The following RHBDF1 variants were observed in gnomAD, a reference collection of about 807,000 sequenced individuals.
RHBDF1 encodes inactive rhomboid protein 1.
In RHBDF1, 80 loss-of-function variants were observed where a neutral mutation model predicts 98.6. That is an observed-to-expected ratio of 0.81 (90% CI 0.68 to 0.98). The LOEUF (loss-of-function observed/expected upper bound fraction) is 0.98. Among genes scored for constraint, RHBDF1 ranks in the 50% least tolerant of loss-of-function variants. The probability of loss-of-function intolerance (pLI) is 0.00; values close to 1 mark genes in which losing one functional copy is unlikely to be tolerated. For synonymous variants in RHBDF1, 512 were observed against 486.8 expected, an observed-to-expected ratio of 1.05 and a Z score of -0.68; for missense variants, 1,116 against 1,198.3, an observed-to-expected ratio of 0.93 and a Z score of 1.01.
intron 12 of RHBDF1, 37 bp downstream of exon 12, chr16:60,402 G>C: frequency 6.2e-7 from 1 of 1,603,116 alleles, no homozygotes; most frequent in South Asian, 1.1e-5. Context: ...GGAAGGTGTG[G>C]ACAAAGGCAG....
rs141787168 is a variant in RHBDF1 at position 64,733 on chromosome 16, G to A, written c.214C>T (p.Gln72Ter). ...GTCTGTGTGATGGACGTCTGGCGTT[G>A]CAGCACCGGCCGCCGGAGCTCATGG... ...PHHELRRPVL[Q>*]RQTSITQTIR... is the part of the protein sequence containing the mutation. The change falls in exon 3 of 18, where the codon CAA becomes TAA. Residue 72 changes from glutamine (Q) to a stop codon, truncating the protein, a stop_gained. Coordinates refer to ENST00000262316, the MANE Select transcript of RHBDF1 (RefSeq NM_022450.5). LOFTEE classifies it high-confidence loss of function. 1 of 1,613,746 alleles carries A rather than the reference G, an allele frequency of 6.2e-7. No individual in the cohort carries two copies. Among genetic ancestry groups the A allele is most frequent in the South Asian group, 1.1e-5 (1 of 91,060 alleles).
At chr16:71,725 G>C (rs1897974428) in intron 1 of RHBDF1, among the ~76,000 whole-genome samples, 2 of 152,156 alleles carry the variant, frequency 1.3e-5, no homozygotes, top group South Asian at 4.1e-4. Context: ...GCAGGCCCTG[G>C]GGGGCCAGGG....
chr16:59,163 C>G lies in RHBDF1; in HGVS notation c.1995-36G>C, dbSNP rs751972853. The G allele has an allele frequency of 5.6e-6, 9 of 1,604,986 alleles. No individual in the cohort carries two copies. The East Asian group carries it at 1.3e-4, about 24-fold the overall frequency. On this transcript the variant is annotated intron_variant, in intron 16 of 17. Coordinates refer to ENST00000262316, the MANE Select transcript of RHBDF1 (RefSeq NM_022450.5). The stretch of plus-strand genomic sequence containing the variant: ...TAGCAGGCGGGGGTCGGGAGACATT[C>G]AGCAGGGAAGTGACCTTTCTGCCAC...
Position 59,349 on chromosome 16 carries a change from C to G in RHBDF1, c.1894G>C (p.Val632Leu). 2 of 1,611,926 alleles carry G rather than the reference C, an allele frequency of 1.2e-6. No homozygotes were observed. The highest frequency in any genetic ancestry group is 1.7e-6 in the Non-Finnish European group (2 of 1,178,798). ...CCACACACATCATCCATGCAGTGCA[C>G]CTGCGCAGAGCAGCATATCAGCATC... Reference protein sequence around the residue: ...FHEEATLCSQVHCMDDVCGLL... With the variant: ...FHEEATLCSQLHCMDDVCGLL... The change falls in exon 16 of 18, where the codon GTG becomes CTG. Residue 632 changes from valine to leucine, a missense_variant and splice_region_variant. Coordinates refer to ENST00000262316, the MANE Select transcript of RHBDF1 (RefSeq NM_022450.5).
Position 60,196 on chromosome 16 carries a change from AC to A in RHBDF1, c.1722+19del, listed in dbSNP as rs762085492. ...ACATGACACGGAGGGCTCCCTAACA[AC>A]CCCCCCACTGCAGCTCACCGGCCAC... On this transcript the variant is annotated intron_variant, in intron 13 of 17. Coordinates refer to ENST00000262316, the MANE Select transcript of RHBDF1 (RefSeq NM_022450.5). The A allele has an allele frequency of 5.0e-6, 8 of 1,611,578 alleles. No individual in the cohort carries two copies. Among genetic ancestry groups the A allele is most frequent in the Non-Finnish European group, 6.8e-6 (8 of 1,178,876 alleles).
At chr16:72,684 C>T, upstream of RHBDF1, 10 of 981,278 alleles carry the variant, frequency 1.0e-5, no homozygotes, top group Non-Finnish European at 1.2e-5. Context: ...GCGGGGCGGT[C>T]GCGCTGACTC....
At chr16:75,742 G>A (rs1279118749), upstream of RHBDF1, among the ~76,000 whole-genome samples, 1 of 152,114 alleles carries the variant, frequency 6.6e-6, no homozygotes, top group Admixed American at 6.5e-5. Flanking sequence ...GCCCTCCAGG[G>A]CTCATCAGAC....
chr16:64,563 G>T, intron 3 of RHBDF1, 136 bp downstream of exon 3: 1 of 1,542,852 alleles, frequency 6.5e-7, no homozygotes. Flanking sequence ...GGAGGGCAAG[G>T]GGATGGTGGG....
At position 59,475 on chromosome 16, in the gene RHBDF1, C is replaced by T. The variant is rs1897521871; in HGVS notation, c.1837G>A (p.Glu613Lys). 6.2e-7 allele frequency: 1 copy of T among 1,613,542 alleles called. No homozygotes were observed. The highest frequency in any genetic ancestry group is 1.1e-5 in the South Asian group (1 of 91,086). The stretch of plus-strand genomic sequence containing the variant: ...TAGCCCCTCATGAAGTCACAGTACT[C>T]CCGGGAGGTGATCTCACACCTAGAA... ...TKGRCEITSR[E>K]YCDFMRGYFH... is the part of the protein sequence containing the mutation. Residue 613 changes from glutamate to lysine, a missense_variant, in exon 15 of 18, where the codon GAG becomes AAG. By Grantham distance (56) the Glu-to-Lys change is moderately conservative. Coordinates refer to ENST00000262316, the MANE Select transcript of RHBDF1 (RefSeq NM_022450.5).
chr16:67,728 C>T (rs763910122), intron 1 of RHBDF1, among the ~76,000 whole-genome samples: 3 of 152,220 alleles, frequency 2.0e-5, no homozygotes, highest in Non-Finnish European at 4.4e-5. Flanking sequence ...TCACTGCTGC[C>T]TCCACAGTGC....
In RHBDF1 at chr16:67,121, G is replaced by A. The variant is rs559257680; in HGVS notation, c.-24-2082C>T. Among the ~76,000 whole-genome samples the A allele has an allele frequency of 6.1e-4, 93 of 152,322 alleles. 1 individual carries two copies. The Middle Eastern group carries it at 0.01, about 17-fold the overall frequency. On this transcript the variant is annotated intron_variant, in intron 1 of 17. Transcript: ENST00000262316. Reference sequence around the variant, plus strand: ...TCACCCTGCTGGTAAGGAATAGCCAGGAGGGGCCACCTCTGAGTCTCAGAC... The same window carrying A: ...TCACCCTGCTGGTAAGGAATAGCCAAGAGGGGCCACCTCTGAGTCTCAGAC...
rs570738912 is a variant in RHBDF1 at position 59,913 on chromosome 16, T to C, written c.1723-87A>G. ...GTTTGGGGGTAGAGGCAAAGATGGG[T>C]GGGCTCATAAAGCAGAAAACGGTGT... On this transcript the variant is annotated intron_variant, in intron 13 of 17. Transcript: ENST00000262316. 2.3e-5 allele frequency: 36 copies of C among 1,592,654 alleles called. 1 individual carries two copies. In the East Asian group the frequency reaches 7.7e-4, roughly 34 times the overall value.
Position 63,123 on chromosome 16 carries a change from G to A in RHBDF1, c.522C>T (p.Gly174=). 1 of 1,601,936 alleles carries A rather than the reference G, an allele frequency of 6.2e-7. No homozygotes were observed. Among genetic ancestry groups the A allele is most frequent in the Non-Finnish European group, 8.5e-7 (1 of 1,175,196 alleles). Residue 174 remains glycine, a synonymous_variant, in exon 5 of 18, where the codon GGC becomes GGT. Transcript: ENST00000262316. ...AFRVADDTAE[G]LSAPHTPVTP... is the part of the protein sequence containing the mutation. ...TGACGGGAGTGTGTGGGGCACTCAG[G>A]CCTTCCGCAGTGTCATCTGCCACAC...
Position 58,708 on chromosome 16 carries a change from G to A in RHBDF1, c.2200C>T (p.Leu734Phe). The change falls in exon 18 of 18, where the codon CTC becomes TTC. Residue 734 changes from leucine (L) to phenylalanine (F), a missense_variant. Coordinates refer to ENST00000262316, the MANE Select transcript of RHBDF1 (RefSeq NM_022450.5). The stretch of plus-strand genomic sequence containing the variant: ...GCCAGGATCTGCCAGCTCTGGAAGA[G>A]CTCCACGAAGAGGCAGGCCAGGATG... ...FGILACLFVE[L>F]FQSWQILARP... The A allele has an allele frequency of 1.2e-6, 2 of 1,612,990 alleles. No individual in the cohort carries two copies. Among genetic ancestry groups the A allele is most frequent in the East Asian group, 2.2e-5 (1 of 44,880 alleles).
rs2141848119 is a variant in RHBDF1 at position 61,256 on chromosome 16, T to G, written c.1421A>C (p.Lys474Thr). ...SSEALIHLGA[K>T]FSPCMRQDPQ... Reference sequence around the variant, plus strand: ...GTCCTGGCGCATGCAGGGCGAAAACTTGGCGCCCAGGTGGATGAGGGCCTC... The same window carrying G: ...GTCCTGGCGCATGCAGGGCGAAAACGTGGCGCCCAGGTGGATGAGGGCCTC... Residue 474 changes from lysine to threonine, a missense_variant, in exon 11 of 18, where the codon AAG becomes ACG. Lys to Thr is a moderately conservative substitution (Grantham distance 78). Coordinates refer to ENST00000262316, the MANE Select transcript of RHBDF1 (RefSeq NM_022450.5). 1 of 1,544,986 alleles carries G rather than the reference T, an allele frequency of 6.5e-7. No individual in the cohort carries two copies. The highest frequency in any genetic ancestry group is 2.5e-5 in the East Asian group (1 of 40,750).
intron 7 of RHBDF1, 75 bp from the exon 8 acceptor site, chr16:62,127 C>T (rs1897656294): frequency 1.4e-6 from 2 of 1,425,432 alleles, no homozygotes; most frequent in Non-Finnish European, 1.8e-6. Context: ...GGCACCAGGG[C>T]ACCCTGTCTC....
At position 58,266 on chromosome 16, in the gene RHBDF1, G is replaced by A; in HGVS notation, c.*74C>T. The A allele has an allele frequency of 6.8e-7, 1 of 1,463,664 alleles. No individual in the cohort carries two copies. Among genetic ancestry groups the A allele is most frequent in the African/African-American group, 1.4e-5 (1 of 71,458 alleles). The allele number at this position is 1,463,664 out of a possible 1,614,324, so 90.7% of individuals were successfully genotyped here. A position where few individuals can be genotyped will look rare whatever the true frequency, so the allele number is the denominator to read the frequency against. ...CACATGGAGCAGGTGACTCCTGTAA[G>A]CCTGTGAGGCTCAGGGAGGTCGTGT... On this transcript the variant is annotated 3_prime_UTR_variant, in exon 18 of 18. Coordinates refer to ENST00000262316, the MANE Select transcript of RHBDF1 (RefSeq NM_022450.5).
Position 60,477 on chromosome 16 carries a change from G to C in RHBDF1, c.1620C>G (p.His540Gln). The change falls in exon 12 of 18, where the codon CAC (histidine) becomes CAG (glutamine). Residue 540 changes from histidine to glutamine, a missense_variant. His to Gln is a conservative substitution (Grantham distance 24). Transcript: ENST00000262316. The part of the protein sequence containing the change: ...IHPSAPELAG[H>Q]KRQFGSVCHQ... ...GGCAGACAGAGCCAAACTGTCTCTT[G>C]TGGCCCGCAAGCTCTGGGGCGCTGG... is the stretch of plus-strand genomic sequence containing the variant. 1 of 1,612,140 alleles carries C rather than the reference G, an allele frequency of 6.2e-7. No individual in the cohort carries two copies. The highest frequency in any genetic ancestry group is 8.5e-7 in the Non-Finnish European group (1 of 1,180,008).
rs752328529 is a variant in RHBDF1 at position 61,364 on chromosome 16, CGCCCCCA to C, written c.1395+14_1395+20del. On this transcript the variant is annotated intron_variant, in intron 10 of 17. Coordinates refer to ENST00000262316, the MANE Select transcript of RHBDF1 (RefSeq NM_022450.5). ...CTCCAGGTCCCGCCCCCGCCGGCCC[CGCCCCCA>C]GCCCCGTCCTCACCGAGCTGGGCCC... 1 of 1,575,032 alleles carries C rather than the reference CGCCCCCA, an allele frequency of 6.3e-7. No individual in the cohort carries two copies. The highest frequency in any genetic ancestry group is 1.3e-5 in the African/African-American group (1 of 74,228).
Sources: gnomAD v4.1 joint callset for allele counts (sites outside exome capture counted in the v4.1 genomes callset) on GRCh38, gnomAD v4.1.1 for gene constraint, MANE v1.5 for transcripts, NCBI Gene and HGNC (gene_info 2026-07-23, HGNC 2026-07-21) for gene names.